Variants in XPA observed in about 807,000 individuals in gnomAD.
XPA encodes the protein DNA repair protein complementing XP-A cells.
In XPA, 27 loss-of-function variants were observed where a neutral mutation model predicts 35.7. The ratio of observed to expected loss-of-function variants is 0.76; its 90% CI spans 0.56 to 1.04. The LOEUF is 1.04. XPA is among the 50% of genes least tolerant of loss of function. XPA has a pLI of 0.00. For missense variants in XPA, 354 were observed against 342.7 expected, an observed-to-expected ratio of 1.03 and a Z score of -0.26; for synonymous variants, 133 against 118.4, an observed-to-expected ratio of 1.12 and a Z score of -0.80.
chr9:97,683,689 T>C (rs1828617215), intron 5 of XPA, among the ~76,000 whole-genome samples: 1 of 146,060 alleles, frequency 6.8e-6, no homozygotes, highest in East Asian at 2.0e-4. Context: ...ATAAGAGCTC[T>C]TTGTAATTCT....
At chr9:97,658,588 G>A in the XPA span, 7 of 1,398,540 alleles carry the variant, frequency 5.0e-6, no homozygotes, top group South Asian at 1.2e-5. Flanking sequence ...GGGTGTTACC[G>A]AAGAATGGGA....
At chr9:97,668,415 A>G in the XPA span, among the ~76,000 whole-genome samples, 2 of 152,244 alleles carry the variant, frequency 1.3e-5, no homozygotes, top group African/African-American at 4.8e-5. Context: ...TTGAATTATT[A>G]TATGTCGGCT....
chr9:97,692,113 G>A (rs1306462855), intron 2 of XPA, among the ~76,000 whole-genome samples: 1 of 151,566 alleles, frequency 6.6e-6, no homozygotes, highest in East Asian at 2.0e-4. Flanking sequence ...CCAACATGGA[G>A]AAACCCCGTC....
At chr9:97,688,357 CCT>C (rs1328078818) in intron 3 of XPA, among the ~76,000 whole-genome samples, 3 of 152,148 alleles carry the variant, frequency 2.0e-5, no homozygotes, top group African/African-American at 7.2e-5. Flanking sequence ...ATCGCATGTC[CCT>C]CTGACTCTCA....
chr9:97,674,373 G>A (rs1020465703), downstream of XPA, among the ~76,000 whole-genome samples: 1 of 151,954 alleles, frequency 6.6e-6, no homozygotes, highest in African/African-American at 2.4e-5. Context: ...TGAATTATTT[G>A]GACATGACTT....
intron 2 of XPA, 74 bp downstream of exon 2, chr9:97,693,575 T>A: frequency 3.2e-6 from 4 of 1,266,494 alleles, no homozygotes; most frequent in East Asian, 2.3e-5. Context: ...TTATTTAGCA[T>A]CACTTTGCAT....
intron 5 of XPA, among the ~76,000 whole-genome samples, chr9:97,676,524 A>G (rs775716539): frequency 6.6e-6 from 1 of 152,224 alleles, no homozygotes; most frequent in African/African-American, 2.4e-5. Context: ...TAAAAATAAC[A>G]TACATCAAGT....
downstream of XPA, chr9:97,673,827 T>G (rs1057174052): frequency 1.3e-5 from 2 of 152,174 alleles, no homozygotes; most frequent in Non-Finnish European, 2.9e-5. Context: ...GTAGAGCAGG[T>G]TTAGCTGTTA....
At chr9:97,691,338 T>A (rs1828880067) in intron 2 of XPA, among the ~76,000 whole-genome samples, 1 of 152,214 alleles carries the variant, frequency 6.6e-6, no homozygotes, top group African/African-American at 2.4e-5. Context: ...AGCTAGATTA[T>A]TTAAGGACTT....
downstream of XPA, chr9:97,669,912 C>T (rs369382562): frequency 1.1e-5 from 7 of 623,784 alleles, no homozygotes; most frequent in African/African-American, 1.8e-5. Flanking sequence ...TGCCACCCCC[C>T]CAACAACCCC....
chr9:97,676,259 A>C (rs765892981), intron 5 of XPA, among the ~76,000 whole-genome samples: 16 of 152,240 alleles, frequency 1.1e-4, no homozygotes, highest in Non-Finnish European at 2.2e-4. Context: ...AAACTGAGCA[A>C]AGATAGTTTA....
the XPA span, among the ~76,000 whole-genome samples, chr9:97,661,656 G>T: frequency 6.6e-6 from 1 of 151,152 alleles, no homozygotes; most frequent in Non-Finnish European, 1.5e-5. Flanking sequence ...TAGAGAAAAT[G>T]AGTTTAGAAA....
chr9:97,667,852 A>C, the XPA span, among the ~76,000 whole-genome samples: 2 of 152,196 alleles, frequency 1.3e-5, no homozygotes, highest in Non-Finnish European at 2.9e-5. Context: ...TTTATATAAC[A>C]TTGGCCCCAT....
chr9:97,654,467 T>C, the XPA span, among the ~76,000 whole-genome samples: 1 of 152,026 alleles, frequency 6.6e-6, no homozygotes, highest in Non-Finnish European at 1.5e-5. Context: ...TTGTAAAAAT[T>C]ACCAGTATGT....
In XPA at chr9:97,675,401, A is replaced by C. The variant is rs376885568; in HGVS notation, c.*38T>G. On this transcript the variant is annotated 3_prime_UTR_variant, in exon 6 of 6. Coordinates refer to ENST00000375128, the MANE Select transcript of XPA (RefSeq NM_000380.4). Reference sequence around the variant, plus strand: ...ACCAATCTAAATTTCCTTTATTTAAATATAAAATTCTATAAAACAGGTCAC... The same window carrying C: ...ACCAATCTAAATTTCCTTTATTTAACTATAAAATTCTATAAAACAGGTCAC... 1 of 1,576,590 alleles carries C rather than the reference A, an allele frequency of 6.3e-7. No individual in the cohort carries two copies. The highest frequency in any genetic ancestry group is 1.2e-5 in the South Asian group (1 of 83,388).
the XPA span, chr9:97,661,989 C>T: frequency 7.8e-7 from 1 of 1,287,726 alleles, no homozygotes; most frequent in Non-Finnish European, 1.1e-6. Context: ...AGGTAAGGCA[C>T]CAAGGAATTG....
chr9:97,689,659 C>T lies in XPA; in HGVS notation c.284-20G>A. On this transcript the variant is annotated intron_variant, in intron 2 of 5. Coordinates refer to ENST00000375128, the MANE Select transcript of XPA (RefSeq NM_000380.4). ...CAGGTCCTAAGAAAAGGAAAATGAACTCTAGTTTCCTTTTTTATGACTAGA... is the reference window on the plus strand; with the variant it reads ...CAGGTCCTAAGAAAAGGAAAATGAATTCTAGTTTCCTTTTTTATGACTAGA... 1 of 1,448,218 alleles carries T rather than the reference C, an allele frequency of 6.9e-7. No individual in the cohort carries two copies. The highest frequency in any genetic ancestry group is 9.7e-7 in the Non-Finnish European group (1 of 1,032,138). 89.7% of individuals were successfully genotyped at this position (1,448,218 alleles called of 1,614,324 possible).
At chr9:97,689,298 G>C (rs1828812222) in intron 3 of XPA, among the ~76,000 whole-genome samples, 1 of 151,928 alleles carries the variant, frequency 6.6e-6, no homozygotes, top group South Asian at 2.1e-4. Flanking sequence ...AAAAAGAAAA[G>C]GAAATTTCTA....
downstream of XPA, chr9:97,670,047 C>CG: frequency 5.5e-6 from 2 of 366,524 alleles, no homozygotes; most frequent in Non-Finnish European, 1.1e-5. Flanking sequence ...CTCAGCCTCC[C>CG]ATATTGCTGG....
Sources: gnomAD v4.1 joint callset for allele counts (sites outside exome capture counted in the v4.1 genomes callset) on GRCh38, gnomAD v4.1.1 for gene constraint, MANE v1.5 for transcripts, NCBI Gene and HGNC (gene_info 2026-07-23, HGNC 2026-07-21) for gene names.